KCND2: variants seen among roughly 807,000 people sequenced by gnomAD.
KCND2 encodes A-type voltage-gated potassium channel KCND2.
Under a neutral mutation model 54.4 loss-of-function variants are expected in KCND2, and 16 were observed. The ratio of observed to expected loss-of-function variants is 0.29; its 90% CI spans 0.20 to 0.45. The LOEUF is 0.45. KCND2 is among the 20% of genes least tolerant of loss of function. The pLI is 1.00. For missense variants in KCND2, 486 were observed against 824.2 expected (o/e 0.59, Z 5.02); for synonymous variants, 317 against 310.7 (o/e 1.02, Z -0.21).
intron 1 of KCND2, among the ~76,000 whole-genome samples, chr7:120,542,827 C>G (rs943401835): frequency 2.6e-5 from 4 of 152,048 alleles, no homozygotes; most frequent in African/African-American, 9.7e-5. Context: ...TACAATGTAG[C>G]AAATAGCAAC....
At chr7:120,301,091 A>G (rs1483541738) in intron 1 of KCND2, among the ~76,000 whole-genome samples, 9 of 152,172 alleles carry the variant, frequency 5.9e-5, no homozygotes. Flanking sequence ...GATGAATTAT[A>G]TACAACAATA....
intron 2 of KCND2, among the ~76,000 whole-genome samples, chr7:120,739,414 T>C (rs987255396): frequency 6.6e-6 from 1 of 152,068 alleles, no homozygotes; most frequent in African/African-American, 2.4e-5. Context: ...CTTGCTACTG[T>C]TTCACTGAGT....
intron 1 of KCND2, among the ~76,000 whole-genome samples, chr7:120,313,271 A>G (rs904105451): frequency 2.0e-5 from 3 of 152,316 alleles, no homozygotes; most frequent in African/African-American, 7.2e-5. Context: ...TATCTTAAAC[A>G]AATTGATTGA....
chr7:120,461,207 T>C (rs1392411554), intron 1 of KCND2, among the ~76,000 whole-genome samples: 2 of 152,160 alleles, frequency 1.3e-5, no homozygotes, highest in East Asian at 3.9e-4. Flanking sequence ...GCTCCTACAA[T>C]GATTTGTACC....
chr7:120,749,578 T>G lies in KCND2; in HGVS notation c.*1720T>G, dbSNP rs1026639930. The G allele has an allele frequency of 6.6e-6, 1 of 152,292 alleles. No homozygotes were observed. Among genetic ancestry groups the G allele is most frequent in the African/African-American group, 2.4e-5 (1 of 41,412 alleles). 9.4% of individuals were successfully genotyped at this position (152,292 alleles called of 1,614,324 possible). On this transcript the variant is annotated 3_prime_UTR_variant, in exon 6 of 6. Transcript: ENST00000331113. Reference sequence around the variant, plus strand: ...ATGATATTTAATCATAAAAAGGGATTAATCCAACCATTTTCTAGTAAAGCC... The same window carrying G: ...ATGATATTTAATCATAAAAAGGGATGAATCCAACCATTTTCTAGTAAAGCC...
intron 1 of KCND2, among the ~76,000 whole-genome samples, chr7:120,430,618 TC>T (rs1326515531): frequency 6.6e-6 from 1 of 152,200 alleles, no homozygotes; most frequent in African/African-American, 2.4e-5. Flanking sequence ...TAGCACTTGT[TC>T]AATTTTGGTA....
rs138542378 is a variant in KCND2, at chr7:120,398,384, C to G, written c.1115+122637C>G. 1.6e-4 allele frequency among the ~76,000 whole-genome samples: 24 copies of G among 152,048 alleles called. No individual in the cohort carries two copies. The East Asian group carries it at 4.7e-3, about 30-fold the overall frequency. On this transcript the variant is annotated intron_variant, in intron 1 of 5. Coordinates refer to ENST00000331113, the MANE Select transcript of KCND2 (RefSeq NM_012281.3). ...TACTGAGCACCTACTATTTTCCAGG[C>G]ACTGTGCTAGATGACTAGGATACAA... is the stretch of plus-strand genomic sequence containing the variant.
intron 1 of KCND2, among the ~76,000 whole-genome samples, chr7:120,414,197 A>G (rs1451588228): frequency 6.6e-6 from 1 of 152,118 alleles, no homozygotes; most frequent in African/African-American, 2.4e-5. Context: ...AAAAAGATGC[A>G]CTATAATAGT....
At chr7:120,669,616 G>A (rs1320740571) in intron 1 of KCND2, among the ~76,000 whole-genome samples, 1 of 152,082 alleles carries the variant, frequency 6.6e-6, no homozygotes, top group Non-Finnish European at 1.5e-5. Flanking sequence ...GACAAAAAAA[G>A]TTTAATGATT....
intron 1 of KCND2, among the ~76,000 whole-genome samples, chr7:120,638,981 C>T (rs920107660): frequency 2.0e-5 from 3 of 152,132 alleles, no homozygotes; most frequent in Admixed American, 2.0e-4. Context: ...CCAAATTCCT[C>T]TTCAGTGATA....
At chr7:120,733,414 A>G (rs1246297711) in intron 2 of KCND2, among the ~76,000 whole-genome samples, 1 of 152,128 alleles carries the variant, frequency 6.6e-6, no homozygotes, top group Non-Finnish European at 1.5e-5. Context: ...TGTCTATTGC[A>G]TTAACCAAAG....
intron 2 of KCND2, among the ~76,000 whole-genome samples, chr7:120,735,785 A>G (rs1792862494): frequency 6.6e-6 from 1 of 152,112 alleles, no homozygotes; most frequent in Non-Finnish European, 1.5e-5. Flanking sequence ...AATTGGATTA[A>G]TAAAGTAAAA....
chr7:120,439,158 G>C (rs2116189149), intron 1 of KCND2, among the ~76,000 whole-genome samples: 1 of 151,920 alleles, frequency 6.6e-6, no homozygotes, highest in Middle Eastern at 3.4e-3. Flanking sequence ...AAGAAATTAT[G>C]GTTCTTTAAA....
At chr7:120,328,493 G>C (rs1342964897) in intron 1 of KCND2, among the ~76,000 whole-genome samples, 2 of 152,048 alleles carry the variant, frequency 1.3e-5, no homozygotes, top group Non-Finnish European at 2.9e-5. Context: ...GTTTAACCAG[G>C]ATAATCTCTT....
chr7:120,298,959 A>G (rs1799548336), intron 1 of KCND2, among the ~76,000 whole-genome samples: 1 of 152,138 alleles, frequency 6.6e-6, no homozygotes, highest in Non-Finnish European at 1.5e-5. Context: ...GGAGTTCGAG[A>G]CCAGCCTGGC....
At chr7:120,324,854 G>A (rs1162448507) in intron 1 of KCND2, among the ~76,000 whole-genome samples, 3 of 148,186 alleles carry the variant, frequency 2.0e-5, no homozygotes, top group East Asian at 4.1e-4. Context: ...TTGGTAGCTT[G>A]ATGGGGATGG....
intron 1 of KCND2, among the ~76,000 whole-genome samples, chr7:120,554,214 C>A (rs1214359584): frequency 6.6e-6 from 1 of 152,070 alleles, no homozygotes; most frequent in Non-Finnish European, 1.5e-5. Flanking sequence ...TCAATCATAT[C>A]TTTTAGTGTA....
At chr7:120,329,973 G>T (rs1186026107) in intron 1 of KCND2, among the ~76,000 whole-genome samples, 2 of 151,912 alleles carry the variant, frequency 1.3e-5, no homozygotes, top group Non-Finnish European at 2.9e-5. Context: ...TTAATAGAAT[G>T]CTCTTTTAAT....
chr7:120,303,081 A>G (rs1799608596), intron 1 of KCND2, among the ~76,000 whole-genome samples: 1 of 152,162 alleles, frequency 6.6e-6, no homozygotes, highest in African/African-American at 2.4e-5. Context: ...AATAAATTTT[A>G]CTTTGTTTGG....
Sources: allele counts gnomAD v4.1 joint callset (sites outside exome capture counted in the v4.1 genomes callset), GRCh38; gene constraint gnomAD v4.1.1; transcripts MANE v1.5; gene names NCBI Gene and HGNC (gene_info 2026-07-23, HGNC 2026-07-21).